The following ANKMY2 variants were observed in gnomAD, a reference collection of about 807,000 sequenced individuals.
ANKMY2 encodes the protein ankyrin repeat and MYND domain-containing protein 2.
In ANKMY2, 36 loss-of-function variants were observed where a neutral mutation model predicts 50.4. The observed-to-expected ratio is 0.71, with a 90% CI of 0.55 to 0.94. ANKMY2 has a LOEUF of 0.94. Ranked by LOEUF, ANKMY2 falls within the 40% of genes least tolerant of loss-of-function variation. ANKMY2 has a pLI of 0.00. For synonymous variants in ANKMY2, 187 were observed against 178.8 expected (o/e 1.05, Z -0.36); for missense variants, 565 against 524.0 (o/e 1.08, Z -0.76).
At chr7:16,612,786 A>G (rs1781276251) in intron 5 of ANKMY2, among the ~76,000 whole-genome samples, 1 of 152,208 alleles carries the variant, frequency 6.6e-6, no homozygotes, top group Non-Finnish European at 1.5e-5. Context: ...AAAGAATAAT[A>G]TTTGTACTTG....
intron 9 of ANKMY2, among the ~76,000 whole-genome samples, chr7:16,601,866 A>G (rs1249624553): frequency 6.6e-6 from 1 of 152,208 alleles, no homozygotes; most frequent in Non-Finnish European, 1.5e-5. Context: ...AAAAAAATAC[A>G]AAATTCACTG....
At chr7:16,602,577 A>T in intron 8 of ANKMY2, 68 bp from the exon 9 acceptor site, 1 of 1,526,992 alleles carries the variant, frequency 6.5e-7, no homozygotes, top group South Asian at 1.2e-5. Context: ...ACTATGACTA[A>T]ACCAAGAACT....
At position 16,600,835 on chromosome 7, in the gene ANKMY2, C is replaced by T. The variant is rs776504848; in HGVS notation, c.1252G>A (p.Glu418Lys). The change falls in exon 10 of 10, where the codon GAA becomes AAA. Residue 418 changes from glutamate to lysine, a missense_variant. Coordinates refer to ENST00000306999, the MANE Select transcript of ANKMY2 (RefSeq NM_020319.3). ...AACTCAGCTTCGCTTTCAAGAGATTCTTTCTTTCCTTCCCCGGAATCTTCA... is the reference window on the plus strand; with the variant it reads ...AACTCAGCTTCGCTTTCAAGAGATTTTTTCTTTCCTTCCCCGGAATCTTCA... The part of the protein sequence containing the change: ...NPEDSGEGKK[E>K]SLESEAELEG... The T allele has an allele frequency of 1.9e-6, 3 of 1,613,562 alleles. No individual in the cohort carries two copies. The highest frequency in any genetic ancestry group is 2.2e-5 in the South Asian group (2 of 90,972).
chr7:16,609,894 G>T, intron 6 of ANKMY2, 129 bp from the exon 7 acceptor site: 1 of 1,156,104 alleles, frequency 8.6e-7, no homozygotes, highest in Non-Finnish European at 1.2e-6. Context: ...TCATGATGAC[G>T]GGCTCAGTTC....
chr7:16,628,643 G>A (rs1386544347), intron 2 of ANKMY2, among the ~76,000 whole-genome samples: 1 of 152,096 alleles, frequency 6.6e-6, no homozygotes, highest in Non-Finnish European at 1.5e-5. Context: ...TCTCCTAAAG[G>A]ATGATAGAAT....
chr7:16,617,531 C>T (rs959763960), intron 4 of ANKMY2, among the ~76,000 whole-genome samples: 1 of 152,156 alleles, frequency 6.6e-6, no homozygotes, highest in African/African-American at 2.4e-5. Context: ...ACCACAACTA[C>T]AGCTAATAAA....
In ANKMY2 at chr7:16,623,605, A is replaced by T. The variant is rs187773488; in HGVS notation, c.370+1378T>A. Among the ~76,000 whole-genome samples the T allele has an allele frequency of 1.4e-4, 21 of 152,234 alleles. No individual in the cohort carries two copies. In the East Asian group the frequency reaches 3.7e-3, roughly 27 times the overall value. On this transcript the variant is annotated intron_variant, in intron 4 of 9. Coordinates refer to ENST00000306999, the MANE Select transcript of ANKMY2 (RefSeq NM_020319.3). Reference sequence around the variant, plus strand: ...CAGAAAACTGAGGCCTATGGAGGTAAAGGAATTTGCCCGTGATCCTATAAC... The same window carrying T: ...CAGAAAACTGAGGCCTATGGAGGTATAGGAATTTGCCCGTGATCCTATAAC...
chr7:16,627,261 T>C (rs1781519730), intron 2 of ANKMY2, 83 bp from the exon 3 acceptor site: 3 of 840,842 alleles, frequency 3.6e-6, no homozygotes, highest in Non-Finnish European at 3.5e-6. Flanking sequence ...ATTAGAAACA[T>C]AAAACGAATA....
intron 4 of ANKMY2, among the ~76,000 whole-genome samples, chr7:16,620,372 T>C (rs560779815): frequency 5.3e-5 from 8 of 151,916 alleles, no homozygotes; most frequent in Non-Finnish European, 8.8e-5. Context: ...AGTCCACAGC[T>C]ACAGGTATGA....
Position 16,604,721 on chromosome 7 carries a change from C to T in ANKMY2, c.1011G>A (p.Met337Ile), listed in dbSNP as rs762309616. The change falls in exon 8 of 10, where the codon ATG becomes ATA. Residue 337 changes from methionine to isoleucine, a missense_variant and splice_region_variant. Coordinates refer to ENST00000306999, the MANE Select transcript of ANKMY2 (RefSeq NM_020319.3). ...GASKRCSVCK[M>I]VIYCDQTCQK... Reference sequence around the variant, plus strand: ...GAAATAAAAAGAACTCCATTCTTACCATTTTGCAAACTGAACATCTTTTAC... The same window carrying T: ...GAAATAAAAAGAACTCCATTCTTACTATTTTGCAAACTGAACATCTTTTAC... The T allele has an allele frequency of 1.2e-6, 2 of 1,613,320 alleles. No individual in the cohort carries two copies. Among genetic ancestry groups the T allele is most frequent in the African/African-American group, 1.3e-5 (1 of 74,892 alleles).
chr7:16,618,568 TC>T (rs1324641892), intron 4 of ANKMY2, among the ~76,000 whole-genome samples: 1 of 152,210 alleles, frequency 6.6e-6, no homozygotes, highest in Non-Finnish European at 1.5e-5. Flanking sequence ...CCAATTTCTT[TC>T]TTTTTGGGGG....
chr7:16,617,077 C>CTT (rs55860068), intron 4 of ANKMY2, among the ~76,000 whole-genome samples: 2,953 of 148,742 alleles, frequency 0.02, 49 homozygotes, highest in Non-Finnish European at 0.029. Context: ...CATTTTAGAA[C>CTT]TTTTTTTTTT....
Position 16,613,854 on chromosome 7 carries a change from T to C in ANKMY2, c.531+1890A>G, listed in dbSNP as rs113837985. On this transcript the variant is annotated intron_variant, in intron 5 of 9. Coordinates refer to ENST00000306999, the MANE Select transcript of ANKMY2 (RefSeq NM_020319.3). ...AGGAGGCTGAGGCAGGAGAATCGCT[T>C]TAACCTGGAAGGCCGAGATCTGTAC... Among the ~76,000 whole-genome samples the C allele has an allele frequency of 3.4e-3, 513 of 149,668 alleles. 1 individual carries two copies. Among genetic ancestry groups the C allele is most frequent in the African/African-American group, 0.012 (493 of 40,540 alleles).
At chr7:16,608,434 T>C (rs1385359150) in intron 7 of ANKMY2, among the ~76,000 whole-genome samples, 1 of 152,170 alleles carries the variant, frequency 6.6e-6, no homozygotes, top group Non-Finnish European at 1.5e-5. Flanking sequence ...TCTTTCTTGT[T>C]TATTTTATGG....
intron 9 of ANKMY2, 139 bp downstream of exon 9, chr7:16,602,241 A>C: frequency 9.4e-7 from 1 of 1,064,062 alleles, no homozygotes; most frequent in East Asian, 2.5e-5. Context: ...GGACACATTA[A>C]AATTTAAATG....
chr7:16,602,714 G>C (rs1781090573), intron 8 of ANKMY2, among the ~76,000 whole-genome samples: 1 of 152,204 alleles, frequency 6.6e-6, no homozygotes, highest in African/African-American at 2.4e-5. Context: ...GTGGGGCCTA[G>C]TGGGAGGTGA....
At chr7:16,608,641 C>G (rs4719472) in intron 7 of ANKMY2, among the ~76,000 whole-genome samples, 17,989 of 152,122 alleles carry the variant, frequency 0.12, 1,450 homozygotes, top group Admixed American at 0.28. Context: ...AAAAGCTGAT[C>G]AAGTTTTTGA....
chr7:16,614,290 C>A (rs1289234170), intron 5 of ANKMY2, among the ~76,000 whole-genome samples: 1 of 152,114 alleles, frequency 6.6e-6, no homozygotes, highest in African/African-American at 2.4e-5. Flanking sequence ...AATTCTAAGC[C>A]CTCTGTAATC....
At chr7:16,642,238 T>A (rs1171211124) in intron 1 of ANKMY2, among the ~76,000 whole-genome samples, 1 of 152,182 alleles carries the variant, frequency 6.6e-6, no homozygotes, top group African/African-American at 2.4e-5. Flanking sequence ...AAAAAAGGTT[T>A]AATTTATTTC....
Sources: gnomAD v4.1 joint callset for allele counts (sites outside exome capture counted in the v4.1 genomes callset) on GRCh38, gnomAD v4.1.1 for gene constraint, MANE v1.5 for transcripts, NCBI Gene and HGNC (gene_info 2026-07-23, HGNC 2026-07-21) for gene names.